The following KLHDC10 variants were observed in gnomAD, a reference collection of about 807,000 sequenced individuals.
KLHDC10 encodes kelch domain-containing protein 10.
A neutral mutation model predicts 56.1 loss-of-function variants in KLHDC10; 24 were observed. That is an observed-to-expected ratio of 0.43 (90% CI 0.31 to 0.60). The LOEUF (loss-of-function observed/expected upper bound fraction) is 0.60, where lower values mean the gene tolerates loss of function less well. Among genes scored for constraint, KLHDC10 ranks in the 20% least tolerant of loss-of-function variants. KLHDC10 has a pLI of 0.11. For synonymous variants in KLHDC10, 188 were observed against 207.1 expected (o/e 0.91, Z 0.79); for missense variants, 349 against 567.0 (o/e 0.62, Z 3.91).
At position 130,130,191 on chromosome 7, in the gene KLHDC10, G is replaced by A. The variant is rs1402350656; in HGVS notation, c.1120-346G>A. ...AAAAATTAGCCGGACGTGGTGGCGC[G>A]TGCCTGTATTCCCAGCTACTCTGGA... On this transcript the variant is annotated intron_variant, in intron 9 of 9. Transcript: ENST00000335420. The surrounding 1 kb of genome is among the most constrained non-coding windows in gnomAD (Gnocchi z 4.2). 3.3e-5 allele frequency among the ~76,000 whole-genome samples: 5 copies of A among 151,604 alleles called. No homozygotes were observed. The highest frequency in any genetic ancestry group is 3.2e-3 in the Middle Eastern group (1 of 314).
At chr7:130,073,356 C>A (rs948480943) in intron 1 of KLHDC10, among the ~76,000 whole-genome samples, 3 of 147,890 alleles carry the variant, frequency 2.0e-5, no homozygotes, top group Admixed American at 6.8e-5. Context: ...AGTGCAGTGG[C>A]ACAGTCTTGG....
intron 1 of KLHDC10, among the ~76,000 whole-genome samples, chr7:130,082,591 T>A (rs947498424): frequency 6.6e-6 from 1 of 152,236 alleles, no homozygotes; most frequent in Non-Finnish European, 1.5e-5. Flanking sequence ...GTTTACCATA[T>A]GAATAACATT....
At chr7:130,082,602 T>G (rs963113975) in intron 1 of KLHDC10, among the ~76,000 whole-genome samples, 1 of 152,242 alleles carries the variant, frequency 6.6e-6, no homozygotes, top group African/African-American at 2.4e-5. Context: ...GAATAACATT[T>G]TAGGTTTTTT....
intron 2 of KLHDC10, among the ~76,000 whole-genome samples, chr7:130,108,238 AAAAAG>A (rs958034366): frequency 6.6e-6 from 1 of 151,972 alleles, no homozygotes; most frequent in African/African-American, 2.4e-5. Flanking sequence ...AAAAAAAAGA[AAAAAG>A]AAACTATACT....
Position 130,134,650 on chromosome 7 carries a change from T to C in KLHDC10, c.*3904T>C, listed in dbSNP as rs975698317. 3.9e-5 allele frequency: 6 copies of C among 152,206 alleles called. No individual in the cohort carries two copies. Among genetic ancestry groups the C allele is most frequent in the Non-Finnish European group, 8.8e-5 (6 of 68,032 alleles). 9.4% of individuals were successfully genotyped at this position (152,206 alleles called of 1,614,324 possible). On this transcript the variant is annotated 3_prime_UTR_variant, in exon 10 of 10. Transcript: ENST00000335420. Reference sequence around the variant, plus strand: ...AAAACCCATTTTTTTTTTGTGGTCTTACAGATGTTTAGAAAGTGGCACAGG... The same window carrying C: ...AAAACCCATTTTTTTTTTGTGGTCTCACAGATGTTTAGAAAGTGGCACAGG...
At chr7:130,107,794 A>T (rs1217881794) in intron 2 of KLHDC10, among the ~76,000 whole-genome samples, 1 of 141,182 alleles carries the variant, frequency 7.1e-6, no homozygotes, top group African/African-American at 2.7e-5. Flanking sequence ...CAGTGAGCCA[A>T]GATCGCGTCA....
intron 1 of KLHDC10, among the ~76,000 whole-genome samples, chr7:130,075,772 TGTTC>T (rs1795489586): frequency 1.3e-5 from 2 of 152,358 alleles, no homozygotes; most frequent in East Asian, 3.9e-4. Context: ...TCCCTGTTGT[TGTTC>T]GAGTGCTGTC....
At chr7:130,102,070 AGAG>A (rs761822903) in intron 2 of KLHDC10, among the ~76,000 whole-genome samples, 9 of 151,724 alleles carry the variant, frequency 5.9e-5, no homozygotes, top group Non-Finnish European at 1.2e-4. Context: ...GAGTGGAATG[AGAG>A]GAGAACAAGA....
At position 130,096,945 on chromosome 7, in the gene KLHDC10, C is replaced by T; in HGVS notation, c.191C>T (p.Pro64Leu). ...LPGKKKIRWDPVRRRFIQSCP... is the reference protein window; with the variant it reads ...LPGKKKIRWDLVRRRFIQSCP... ...GGTAAGAAGAAAATACGATGGGACC[C>T]AGTTAGGAGGCGCTTCATTCAGTCC... The change falls in exon 2 of 10, where the codon CCA (proline) becomes CTA (leucine). Residue 64 changes from proline to leucine, a missense_variant. By Grantham distance (98) the Pro-to-Leu change is moderately conservative. Transcript: ENST00000335420. The T allele has an allele frequency of 6.2e-7, 1 of 1,611,230 alleles. No individual in the cohort carries two copies. Among genetic ancestry groups the T allele is most frequent in the Non-Finnish European group, 8.5e-7 (1 of 1,178,016 alleles).
intron 8 of KLHDC10, among the ~76,000 whole-genome samples, chr7:130,129,034 A>G (rs921637281): frequency 1.3e-4 from 20 of 151,584 alleles, no homozygotes; most frequent in Admixed American, 3.3e-4. Flanking sequence ...TAAGTCTGTT[A>G]TAGGACCGAA....
At chr7:130,091,923 T>C (rs1054519989) in intron 1 of KLHDC10, among the ~76,000 whole-genome samples, 1 of 152,210 alleles carries the variant, frequency 6.6e-6, no homozygotes, top group African/African-American at 2.4e-5. Context: ...ATAAAAAAAT[T>C]TCTTTATTTC....
chr7:130,096,201 A>G (rs1795845316), intron 1 of KLHDC10, among the ~76,000 whole-genome samples: 1 of 152,202 alleles, frequency 6.6e-6, no homozygotes, highest in Admixed American at 6.5e-5. Context: ...AATAAGAGCT[A>G]TATTTGGGAG....
chr7:130,122,621 C>A (rs144162693), intron 5 of KLHDC10, among the ~76,000 whole-genome samples: 1 of 152,288 alleles, frequency 6.6e-6, no homozygotes, highest in Non-Finnish European at 1.5e-5. Flanking sequence ...ATAATCATGG[C>A]TCACTGCAAT....
chr7:130,095,493 G>C (rs1408977587), intron 1 of KLHDC10, among the ~76,000 whole-genome samples: 1 of 152,160 alleles, frequency 6.6e-6, no homozygotes, highest in Admixed American at 6.5e-5. Context: ...TAGCCTAGCA[G>C]TGGTCTGTAG....
At chr7:130,103,456 A>G (rs1040519324) in intron 2 of KLHDC10, among the ~76,000 whole-genome samples, 1 of 151,912 alleles carries the variant, frequency 6.6e-6, no homozygotes, top group African/African-American at 2.4e-5. Flanking sequence ...TCACGTATAA[A>G]GGGCATGCCT....
At chr7:130,077,555 C>CTTTTTTTTTTTTTTTTTTTTTTT (rs1374918216) in intron 1 of KLHDC10, among the ~76,000 whole-genome samples, 1 of 108,102 alleles carries the variant, frequency 9.3e-6, no homozygotes, top group Non-Finnish European at 1.9e-5. Flanking sequence ...CTTTTTCTTT[C>CTTTTTTTTTTTTTTTTTTTTTTT]TTTTTTTTTT....
At chr7:130,115,254 A>G (rs537830927) in intron 2 of KLHDC10, among the ~76,000 whole-genome samples, 3 of 152,342 alleles carry the variant, frequency 2.0e-5, no homozygotes, top group Admixed American at 6.5e-5. Context: ...GGTCACAACT[A>G]TAGTAGCTTC....
At chr7:130,107,092 T>C (rs1563102411) in intron 2 of KLHDC10, among the ~76,000 whole-genome samples, 1 of 152,134 alleles carries the variant, frequency 6.6e-6, no homozygotes, top group Non-Finnish European at 1.5e-5. Context: ...GTAGTAAATA[T>C]CATATATGAT....
chr7:130,081,071 T>C (rs1201832307), intron 1 of KLHDC10, among the ~76,000 whole-genome samples: 2 of 149,552 alleles, frequency 1.3e-5, no homozygotes, highest in Admixed American at 6.7e-5. Flanking sequence ...TGATCTTGGC[T>C]CACTGCAAAC....
Sources: gnomAD v4.1 joint callset for allele counts (sites outside exome capture counted in the v4.1 genomes callset) on GRCh38, gnomAD v4.1.1 for gene constraint, Gnocchi (gnomAD v3.1) non-coding constraint, MANE v1.5 for transcripts, NCBI Gene and HGNC (gene_info 2026-07-23, HGNC 2026-07-21) for gene names.